Variants in HEATR5A observed in about 807,000 individuals in gnomAD.
The protein encoded by HEATR5A is HEAT repeat containing 5A, also known as HEAT repeat-containing protein 5A.
In HEATR5A, 178 loss-of-function variants were observed where a neutral mutation model predicts 218.8. The observed-to-expected ratio is 0.81, with a 90% confidence interval of 0.72 to 0.92. The LOEUF is 0.92. HEATR5A is among the 40% of genes least tolerant of loss of function. The pLI is 0.00. For missense variants in HEATR5A, 2,420 were observed against 2,418.9 expected, an observed-to-expected ratio of 1.00 and a Z score of -0.01; for synonymous variants, 864 against 871.6, an observed-to-expected ratio of 0.99 and a Z score of 0.15.
chr14:31,388,070 C>T (rs900288048), intron 7 of HEATR5A, among the ~76,000 whole-genome samples: 4 of 152,070 alleles, frequency 2.6e-5, no homozygotes, highest in Admixed American at 6.6e-5. Flanking sequence ...AACTATGCTC[C>T]AACATTATAA....
rs995350525 is a variant in HEATR5A at position 31,350,706 on chromosome 14, A to C, written c.2423T>G (p.Leu808Trp). 4 of 1,563,862 alleles carry C rather than the reference A, an allele frequency of 2.6e-6. No individual in the cohort carries two copies. Among genetic ancestry groups the C allele is most frequent in the Non-Finnish European group, 3.5e-6 (4 of 1,141,850 alleles). The change falls in exon 17 of 36, where the codon TTG becomes TGG. Residue 808 changes from leucine to tryptophan, a missense_variant. By Grantham distance (61) the Leu-to-Trp change is moderately conservative. Transcript: ENST00000543095. ...HVGETQRLLI[L>W]EQLLDSIKHT... ...CTTTATACTGTCCAAAAGCTGTTCC[A>C]ATATAAGAAGCCTACAATCAGAAAT...
rs1237384130 is a variant in HEATR5A, at chr14:31,293,003, T to A, written c.*302A>T. ...ATATGTATGGACTGTTAGAAGAAAT[T>A]CATTTCATTTTTAAAGCAGTGGATT... On this transcript the variant is annotated 3_prime_UTR_variant, in exon 36 of 36. Transcript: ENST00000543095. 3 of 273,530 alleles carry A rather than the reference T, an allele frequency of 1.1e-5. No homozygotes were observed. The Admixed American group carries it at 1.4e-4, about 13-fold the overall frequency. 16.9% of individuals were successfully genotyped at this position (273,530 alleles called of 1,614,324 possible). A position where few individuals can be genotyped will look rare whatever the true frequency, so the allele number is the denominator to read the frequency against.
chr14:31,336,019 C>T (rs1441504404), intron 22 of HEATR5A, among the ~76,000 whole-genome samples: 1 of 148,602 alleles, frequency 6.7e-6, no homozygotes, highest in Non-Finnish European at 1.5e-5. Context: ...ACCCATGCTG[C>T]AGTTATTATG....
chr14:31,310,026 AACTGTTAATACC>A (rs1264385853), intron 28 of HEATR5A, among the ~76,000 whole-genome samples: 3 of 152,060 alleles, frequency 2.0e-5, no homozygotes, highest in African/African-American at 7.2e-5. Context: ...AAAAACCTAA[AACTGTTAATACC>A]ACTAATTCTT....
rs7158257 is a variant in HEATR5A at position 31,350,707 on chromosome 14, A to G, written c.2422T>C (p.Leu808=). The change falls in exon 17 of 36, where the codon TTG becomes CTG. Residue 808 remains leucine (L), a synonymous_variant. Transcript: ENST00000543095. ...HVGETQRLLI[L]EQLLDSIKHT... ...TTTATACTGTCCAAAAGCTGTTCCA[A>G]TATAAGAAGCCTACAATCAGAAATA... The G allele has an allele frequency of 0.91, 1,416,340 of 1,561,174 alleles. 646,395 individuals are homozygous for G. Among genetic ancestry groups the G allele is most frequent in the Non-Finnish European group, 0.93 (1,064,752 of 1,140,660 alleles).
intron 24 of HEATR5A, among the ~76,000 whole-genome samples, chr14:31,321,962 G>C (rs1409941150): frequency 6.6e-6 from 1 of 152,114 alleles, no homozygotes; most frequent in East Asian, 1.9e-4. Context: ...ATAAAATTTT[G>C]TTCAGCTTTT....
chr14:31,408,488 C>G (rs889585699), intron 1 of HEATR5A, among the ~76,000 whole-genome samples: 1 of 152,014 alleles, frequency 6.6e-6, no homozygotes, highest in African/African-American at 2.4e-5. Context: ...AAATCACTCC[C>G]TTTTGCTGAT....
At chr14:31,326,384 A>G in intron 22 of HEATR5A, 42 bp from the exon 23 acceptor site, 1 of 1,416,362 alleles carries the variant, frequency 7.1e-7, no homozygotes, top group Non-Finnish European at 9.8e-7. Flanking sequence ...TACAGAAAAC[A>G]AAACTACCAT....
At chr14:31,362,866 A>C (rs1384523837) in intron 14 of HEATR5A, among the ~76,000 whole-genome samples, 1 of 152,014 alleles carries the variant, frequency 6.6e-6, no homozygotes, top group Non-Finnish European at 1.5e-5. Context: ...CTAAATGTTT[A>C]TTGAAGAGTT....
At position 31,309,054 on chromosome 14, in the gene HEATR5A, C is replaced by T; in HGVS notation, c.4570G>A (p.Glu1524Lys). Residue 1524 changes from glutamate to lysine, a missense_variant, in exon 29 of 36, where the codon GAA (glutamate) becomes AAA (lysine). Coordinates refer to ENST00000543095, the MANE Select transcript of HEATR5A (RefSeq NM_015473.4). ...GGCCTGGAGAGATTAGATGCTCCTT[C>T]ATCTGGGTCAGCAACAACAAAACCC... The part of the protein sequence containing the change: ...STGFVVADPD[E>K]GASNLSRPVT... 1 of 1,613,934 alleles carries T rather than the reference C, an allele frequency of 6.2e-7. No individual in the cohort carries two copies. Among genetic ancestry groups the T allele is most frequent in the Non-Finnish European group, 8.5e-7 (1 of 1,179,874 alleles).
intron 13 of HEATR5A, among the ~76,000 whole-genome samples, chr14:31,370,767 A>C (rs1294040275): frequency 2.0e-5 from 3 of 152,248 alleles, no homozygotes; most frequent in Non-Finnish European, 4.4e-5. Context: ...AACTTAAAAC[A>C]TAGGTAAAAC....
intron 1 of HEATR5A, among the ~76,000 whole-genome samples, chr14:31,411,917 G>A (rs1267822108): frequency 2.0e-5 from 3 of 151,972 alleles, no homozygotes; most frequent in African/African-American, 4.8e-5. Flanking sequence ...GTGCAGTGGT[G>A]TAATCTTGGC....
At chr14:31,308,455 C>T (rs1181812736) in intron 29 of HEATR5A, among the ~76,000 whole-genome samples, 2 of 147,952 alleles carry the variant, frequency 1.4e-5, no homozygotes, top group South Asian at 2.1e-4. Context: ...TGCGGTGAGC[C>T]GAGATCGCTC....
At chr14:31,418,804 G>A (rs980155488) in intron 1 of HEATR5A, among the ~76,000 whole-genome samples, 2 of 152,046 alleles carry the variant, frequency 1.3e-5, no homozygotes, top group African/African-American at 2.4e-5. Context: ...AATAATTTTA[G>A]AATTTAAAAA....
chr14:31,296,242 T>C, intron 33 of HEATR5A, 179 bp from the exon 34 acceptor site: 3 of 487,018 alleles, frequency 6.2e-6, no homozygotes, highest in Non-Finnish European at 1.1e-5. Flanking sequence ...ATTCTAGAGC[T>C]AAGAACTACC....
At chr14:31,419,968 G>C (rs1309404206) in intron 1 of HEATR5A, among the ~76,000 whole-genome samples, 2 of 152,228 alleles carry the variant, frequency 1.3e-5, no homozygotes, top group Admixed American at 1.3e-4. Context: ...GAAAACGAAC[G>C]GGCCTCTGAG....
chr14:31,346,970 C>T (rs1000930605), intron 19 of HEATR5A, among the ~76,000 whole-genome samples: 2 of 152,208 alleles, frequency 1.3e-5, no homozygotes, highest in East Asian at 3.9e-4. Flanking sequence ...TGGTTAAGAA[C>T]AGGAGTTTGG....
chr14:31,309,222 C>T (rs887509322), intron 28 of HEATR5A, 40 bp from the exon 29 acceptor site: 2 of 1,592,558 alleles, frequency 1.3e-6, no homozygotes, highest in African/African-American at 2.7e-5. Context: ...AGATTAACTT[C>T]CAATATATTT....
At position 31,315,488 on chromosome 14, in the gene HEATR5A, A is replaced by G. The variant is rs527579818; in HGVS notation, c.4218+282T>C. ...AGATACAAGGAGACCCAAATTTCCA[A>G]TAATTCAGGATTCAATAAATGTTGA... is the stretch of plus-strand genomic sequence containing the variant. On this transcript the variant is annotated intron_variant, in intron 27 of 35. Coordinates refer to ENST00000543095, the MANE Select transcript of HEATR5A (RefSeq NM_015473.4). 2.2e-3 allele frequency among the ~76,000 whole-genome samples: 339 copies of G among 152,340 alleles called. 1 individual carries two copies. The highest frequency in any genetic ancestry group is 7.7e-3 in the African/African-American group (322 of 41,576).
Sources: gnomAD v4.1 joint callset for allele counts (sites outside exome capture counted in the v4.1 genomes callset) on GRCh38, gnomAD v4.1.1 for gene constraint, MANE v1.5 for transcripts, NCBI Gene and HGNC (gene_info 2026-07-23, HGNC 2026-07-21) for gene names.